The following SCN9A variants were observed in gnomAD, a reference collection of about 807,000 sequenced individuals.
SCN9A encodes the protein sodium channel protein type 9 subunit alpha.
A neutral mutation model predicts 187.0 loss-of-function variants in SCN9A; 131 were observed. That is an observed-to-expected ratio of 0.70 (90% CI 0.61 to 0.81). The LOEUF (loss-of-function observed/expected upper bound fraction) is 0.81, where lower values mean the gene tolerates loss of function less well. Among genes scored for constraint, SCN9A ranks in the 30% least tolerant of loss-of-function variants. The probability of loss-of-function intolerance (pLI) is 0.00; values close to 1 mark genes in which losing one functional copy is unlikely to be tolerated. For missense variants in SCN9A, 2,252 were observed against 2,396.6 expected (o/e 0.94, Z 1.26); for synonymous variants, 809 against 808.6 (o/e 1.00, Z -0.01).
chr2:166,329,993 G>A (rs950587285), intron 1 of SCN9A, among the ~76,000 whole-genome samples: 6 of 152,014 alleles, frequency 3.9e-5, no homozygotes, highest in Non-Finnish European at 8.8e-5. Flanking sequence ...TTTGTCCTTC[G>A]ATGGAATTTG....
chr2:166,197,229 A>G lies in SCN9A; in HGVS notation c.*1443T>C, dbSNP rs1347242745. ...AAGAAAGATCTCATATTCCTGAAAT[A>G]AACTCACGAAAAAAAGCATTATGGT... On this transcript the variant is annotated 3_prime_UTR_variant, in exon 27 of 27. Transcript: ENST00000642356. 1 of 152,092 alleles carries G rather than the reference A, an allele frequency of 6.6e-6. No individual in the cohort carries two copies. The highest frequency in any genetic ancestry group is 1.5e-5 in the Non-Finnish European group (1 of 67,994). The allele number at this position is 152,092 out of a possible 1,614,324, so 9.4% of individuals were successfully genotyped here. A position where few individuals can be genotyped will look rare whatever the true frequency, so the allele number is the denominator to read the frequency against.
At chr2:166,257,005 A>G (rs964631588) in intron 17 of SCN9A, among the ~76,000 whole-genome samples, 3 of 151,686 alleles carry the variant, frequency 2.0e-5, no homozygotes, top group Admixed American at 6.6e-5. Context: ...CAGATTTCTC[A>G]GCCAGGTCCT....
chr2:166,346,247 CA>C (rs1427248983), intron 1 of SCN9A, among the ~76,000 whole-genome samples: 3 of 152,126 alleles, frequency 2.0e-5, no homozygotes, highest in African/African-American at 7.2e-5. Flanking sequence ...AATAGATCAT[CA>C]CAAAAGTCTT....
At chr2:166,359,382 T>C (rs1029054107) in intron 1 of SCN9A, among the ~76,000 whole-genome samples, 1 of 152,122 alleles carries the variant, frequency 6.6e-6, no homozygotes, top group African/African-American at 2.4e-5. Context: ...GTATGCCAAG[T>C]ATAATATCAC....
chr2:166,307,778 A>C (rs1436511397), intron 2 of SCN9A, among the ~76,000 whole-genome samples: 1 of 152,238 alleles, frequency 6.6e-6, no homozygotes, highest in African/African-American at 2.4e-5. Context: ...CCATAGCTTT[A>C]GTATTCAGTT....
chr2:166,251,070 G>A (rs1696013478), intron 18 of SCN9A, among the ~76,000 whole-genome samples: 1 of 152,018 alleles, frequency 6.6e-6, no homozygotes, highest in African/African-American at 2.4e-5. Context: ...TGACCAATGG[G>A]GAATTGTAAG....
chr2:166,229,419 A>G, intron 21 of SCN9A, among the ~76,000 whole-genome samples: 1 of 152,050 alleles, frequency 6.6e-6, no homozygotes, highest in Non-Finnish European at 1.5e-5. Flanking sequence ...TCATGATCCT[A>G]TTATTACCAG....
chr2:166,299,195 C>T (rs779147721), intron 7 of SCN9A, among the ~76,000 whole-genome samples: 1 of 143,636 alleles, frequency 7.0e-6, no homozygotes, highest in South Asian at 2.1e-4. Flanking sequence ...AACATCCATA[C>T]AAAAACCCAT....
In SCN9A at chr2:166,277,428, A is replaced by G. The variant is rs114253605; in HGVS notation, c.2518-89T>C. The G allele has an allele frequency of 1.5e-3, 1,168 of 777,140 alleles. 11 individuals are homozygous for G. The African/African-American group carries it at 0.018, about 12-fold the overall frequency. The allele number at this position is 777,140 out of a possible 1,614,324, so 48.1% of individuals were successfully genotyped here. A position where few individuals can be genotyped will look rare whatever the true frequency, so the allele number is the denominator to read the frequency against. On this transcript the variant is annotated intron_variant, in intron 15 of 26. Transcript: ENST00000642356. ...GATTTTTGTTCAAAGGGTAAAGCAG[A>G]CTTTAAGTCCTATAATATTGTCATT...
At chr2:166,271,202 CA>C (rs35130935) in intron 17 of SCN9A, among the ~76,000 whole-genome samples, 67,795 of 151,426 alleles carry the variant, frequency 0.45, 15,631 homozygotes, top group Non-Finnish European at 0.51. Flanking sequence ...GTTTGCGGTT[CA>C]AAAATGAGAA....
chr2:166,245,691 G>A (rs529468336), intron 18 of SCN9A, among the ~76,000 whole-genome samples: 12 of 151,900 alleles, frequency 7.9e-5, no homozygotes, highest in Non-Finnish European at 1.6e-4. Context: ...GAAGGCAGGA[G>A]GTGGGAAAGT....
At chr2:166,321,804 T>G (rs934031740) in intron 1 of SCN9A, among the ~76,000 whole-genome samples, 1 of 151,118 alleles carries the variant, frequency 6.6e-6, no homozygotes, top group Non-Finnish European at 1.5e-5. Context: ...TTTTTTTTTT[T>G]TTTTTTTTGG....
At chr2:166,281,523 A>G (rs1019127348) in intron 13 of SCN9A, among the ~76,000 whole-genome samples, 156 bp downstream of exon 13, 2 of 152,160 alleles carry the variant, frequency 1.3e-5, no homozygotes, top group African/African-American at 4.8e-5. Context: ...CATAAAAACA[A>G]TTCCATCAGT....
intron 22 of SCN9A, among the ~76,000 whole-genome samples, chr2:166,228,192 C>T (rs1201790411): frequency 6.8e-6 from 1 of 147,842 alleles, no homozygotes; most frequent in African/African-American, 2.5e-5. Flanking sequence ...AACTCAAATG[C>T]AACAGAACCC....
intron 18 of SCN9A, among the ~76,000 whole-genome samples, chr2:166,246,308 C>G (rs16851827): frequency 0.03 from 4,503 of 151,408 alleles, 480 homozygotes; most frequent in Admixed American, 0.2. Context: ...TTTACATAAA[C>G]ATTGGATGAA....
intron 19 of SCN9A, among the ~76,000 whole-genome samples, chr2:166,241,286 G>A (rs753827299): frequency 1.1e-4 from 16 of 151,956 alleles, no homozygotes; most frequent in Non-Finnish European, 8.8e-5. Flanking sequence ...CTCTGTCAGC[G>A]TCAGCAGGAA....
At chr2:166,297,101 G>A (rs1698337154) in intron 7 of SCN9A, among the ~76,000 whole-genome samples, 1 of 149,574 alleles carries the variant, frequency 6.7e-6, no homozygotes, top group African/African-American at 2.5e-5. Flanking sequence ...GCAGGCTGAG[G>A]CAGGAGAATG....
intron 26 of SCN9A, among the ~76,000 whole-genome samples, chr2:166,202,849 G>A (rs1663467181): frequency 6.6e-6 from 1 of 151,510 alleles, no homozygotes; most frequent in African/African-American, 2.4e-5. Flanking sequence ...ATTTTTAGTT[G>A]ATTCTCTTTC....
At chr2:166,228,408 C>T (rs762451941) in intron 22 of SCN9A, among the ~76,000 whole-genome samples, 1 of 151,730 alleles carries the variant, frequency 6.6e-6, no homozygotes, top group African/African-American at 2.4e-5. Flanking sequence ...AGGCGCCTGC[C>T]ACCACACCCA....
Sources: allele counts gnomAD v4.1 joint callset (sites outside exome capture counted in the v4.1 genomes callset), GRCh38; gene constraint gnomAD v4.1.1; transcripts MANE v1.5; gene names NCBI Gene and HGNC (gene_info 2026-07-23, HGNC 2026-07-21).